The following EPS8 variants were observed in gnomAD, a reference collection of about 807,000 sequenced individuals.
EPS8 encodes EGFR pathway substrate 8, signaling adaptor, also known as epidermal growth factor receptor kinase substrate 8.
Under a neutral mutation model 103.8 loss-of-function variants are expected in EPS8, and 42 were observed. The observed-to-expected ratio is 0.40, with a 90% confidence interval of 0.32 to 0.52. The LOEUF (loss-of-function observed/expected upper bound fraction) is 0.52. Among genes scored for constraint, EPS8 ranks in the 20% least tolerant of loss-of-function variants. The pLI is 0.40. For synonymous variants in EPS8, 344 were observed against 344.6 expected, an observed-to-expected ratio of 1.00 and a Z score of 0.02; for missense variants, 969 against 1,005.1, an observed-to-expected ratio of 0.96 and a Z score of 0.49.
At chr12:15,622,553 A>G (rs1944876543) in intron 20 of EPS8, among the ~76,000 whole-genome samples, 1 of 152,218 alleles carries the variant, frequency 6.6e-6, no homozygotes, top group African/African-American at 2.4e-5. Flanking sequence ...CTACCCGTAT[A>G]TAGCACATTT....
chr12:15,786,869 G>A (rs1369958793), intron 1 of EPS8, among the ~76,000 whole-genome samples: 1 of 152,026 alleles, frequency 6.6e-6, no homozygotes, highest in Non-Finnish European at 1.5e-5. Flanking sequence ...TCCCAGGAGG[G>A]ATTTACTATA....
chr12:15,722,463 T>A (rs980881995), intron 1 of EPS8, among the ~76,000 whole-genome samples: 3 of 152,184 alleles, frequency 2.0e-5, no homozygotes, highest in Non-Finnish European at 4.4e-5. Context: ...TTATGCCTAT[T>A]CCAGAATGTT....
intron 1 of EPS8, chr12:15,712,998 T>G: frequency 1.0e-6 from 1 of 985,300 alleles, no homozygotes; most frequent in Non-Finnish European, 1.2e-6. Context: ...CATTGTACTG[T>G]ACCAAACAAA....
chr12:15,666,010 A>C, intron 7 of EPS8, 118 bp from the exon 8 acceptor site: 1 of 1,046,728 alleles, frequency 9.6e-7, no homozygotes, highest in Non-Finnish European at 1.4e-6. Flanking sequence ...AGGGACAATA[A>C]GGATTTCCTA....
rs115486329 is a variant in EPS8 at position 15,762,337 on chromosome 12, C to T, written c.-22+26824G>A. Among the ~76,000 whole-genome samples, 1,228 of 152,186 alleles carry T rather than the reference C, an allele frequency of 8.1e-3. 17 individuals carry two copies. Among genetic ancestry groups the T allele is most frequent in the African/African-American group, 0.028 (1,143 of 41,514 alleles). On this transcript the variant is annotated intron_variant, in intron 1 of 20. Coordinates refer to ENST00000281172, the MANE Select transcript of EPS8 (RefSeq NM_004447.6). The surrounding 1 kb of genome is among the most constrained non-coding windows in gnomAD (Gnocchi z 4.8). ...GGGAACCCTCATACACTGTTGGTGGCGATGTAAATTACTGCAACCGCTATG... is the reference window on the plus strand; with the variant it reads ...GGGAACCCTCATACACTGTTGGTGGTGATGTAAATTACTGCAACCGCTATG...
intron 17 of EPS8, among the ~76,000 whole-genome samples, chr12:15,639,110 C>T (rs1243773488): frequency 6.6e-6 from 1 of 152,088 alleles, no homozygotes; most frequent in Non-Finnish European, 1.5e-5. Context: ...AAACTCTTGC[C>T]TTTTGCTCAC....
At position 15,631,478 on chromosome 12, in the gene EPS8, G is replaced by A. The variant is rs1396526123; in HGVS notation, c.2008C>T (p.Arg670Ter). 6 of 1,613,882 alleles carry A rather than the reference G, an allele frequency of 3.7e-6. No individual in the cohort carries two copies. The highest frequency in any genetic ancestry group is 5.1e-6 in the Non-Finnish European group (6 of 1,179,960). The change falls in exon 18 of 21, where the codon CGA becomes TGA. Residue 670 changes from arginine (R) to a stop codon, truncating the protein, a stop_gained. Transcript: ENST00000281172. LOFTEE classifies it high-confidence loss of function. Reference protein sequence around the residue: ...SSSDSGGSIVRDSQRHKQLPV... With the variant: ...SSSDSGGSIV The stretch of plus-strand genomic sequence containing the variant: ...AGTTGTTTGTGTCTCTGGCTGTCTC[G>A]CACGATACTGCCACCACTGTCACTG...
intron 1 of EPS8, chr12:15,732,858 T>C (rs1304301697): frequency 2.2e-6 from 1 of 459,910 alleles, no homozygotes; most frequent in Non-Finnish European, 2.9e-6. Context: ...AGGCTTTGAA[T>C]ACAGCCACCT....
At chr12:15,623,479 T>C (rs557110242) in intron 19 of EPS8, among the ~76,000 whole-genome samples, 192 bp from the exon 20 acceptor site, 2 of 152,306 alleles carry the variant, frequency 1.3e-5, no homozygotes, top group East Asian at 1.9e-4. Context: ...ACCCTGAGGC[T>C]ATACAGATTA....
rs1480335964 is a variant in EPS8 at position 15,695,658 on chromosome 12, A to C, written c.-21-12686T>G. ...GGTTCCTACCTTCATGGAGCTTACA[A>C]TCTAGAGGGAGGAGAGCATGAAATA... is the stretch of plus-strand genomic sequence containing the variant. On this transcript the variant is annotated intron_variant, in intron 1 of 20. Coordinates refer to ENST00000281172, the MANE Select transcript of EPS8 (RefSeq NM_004447.6). The surrounding 1 kb of genome is among the most constrained non-coding windows in gnomAD (Gnocchi z 5.0). Among the ~76,000 whole-genome samples, 1 of 152,180 alleles carries C rather than the reference A, an allele frequency of 6.6e-6. No individual in the cohort carries two copies.
At position 15,727,649 on chromosome 12, in the gene EPS8, G is replaced by A. The variant is rs1445121772; in HGVS notation, c.-21-44677C>T. On this transcript the variant is annotated intron_variant, in intron 1 of 20. Coordinates refer to ENST00000281172, the MANE Select transcript of EPS8 (RefSeq NM_004447.6). The surrounding 1 kb of genome is among the most constrained non-coding windows in gnomAD (Gnocchi z 4.3). The stretch of plus-strand genomic sequence containing the variant: ...CCGAGGTGGGCGGATCACGAGGTCA[G>A]GAGTTCGAGACCAGCCTGACCAACA... Among the ~76,000 whole-genome samples the A allele has an allele frequency of 1.3e-5, 2 of 152,252 alleles. No homozygotes were observed. The highest frequency in any genetic ancestry group is 3.9e-4 in the East Asian group (2 of 5,168).
In EPS8 at chr12:15,787,808, T is replaced by C. The variant is rs972104480; in HGVS notation, c.-22+1353A>G. On this transcript the variant is annotated intron_variant, in intron 1 of 20. Coordinates refer to ENST00000281172, the MANE Select transcript of EPS8 (RefSeq NM_004447.6). The surrounding 1 kb of genome is among the most constrained non-coding windows in gnomAD (Gnocchi z 4.9). The stretch of plus-strand genomic sequence containing the variant: ...TGACAATTCTATACTGTTTTAACTG[T>C]CAAATTGTAAGTAAAAGTGTGAATT... Among the ~76,000 whole-genome samples the C allele has an allele frequency of 2.6e-5, 4 of 152,194 alleles. No individual in the cohort carries two copies. Among genetic ancestry groups the C allele is most frequent in the African/African-American group, 7.2e-5 (3 of 41,438 alleles).
At chr12:15,645,314 A>G (rs1945301866) in intron 15 of EPS8, among the ~76,000 whole-genome samples, 1 of 152,110 alleles carries the variant, frequency 6.6e-6, no homozygotes, top group African/African-American at 2.4e-5. Flanking sequence ...AATGTCAGCC[A>G]ATGATTATGT....
intron 1 of EPS8, among the ~76,000 whole-genome samples, chr12:15,786,231 T>C (rs1947309632): frequency 6.6e-6 from 1 of 152,106 alleles, no homozygotes; most frequent in Middle Eastern, 3.4e-3. Context: ...TGATATGAGA[T>C]GAAAATGGCA....
intron 14 of EPS8, among the ~76,000 whole-genome samples, chr12:15,649,407 C>T (rs1366380326): frequency 6.6e-6 from 1 of 152,164 alleles, no homozygotes; most frequent in African/African-American, 2.4e-5. Context: ...ATAGCAACAG[C>T]AAGTGTATCA....
At chr12:15,768,634 T>C (rs1207798668) in intron 1 of EPS8, among the ~76,000 whole-genome samples, 6 of 151,924 alleles carry the variant, frequency 3.9e-5, no homozygotes, top group African/African-American at 1.2e-4. Context: ...AGGAGCTTTT[T>C]CAATATTACT....
rs11056635 is a variant in EPS8, at chr12:15,761,536, A to G, written c.-22+27625T>C. On this transcript the variant is annotated intron_variant, in intron 1 of 20. Transcript: ENST00000281172. The surrounding 1 kb of genome is among the most constrained non-coding windows in gnomAD (Gnocchi z 4.5). Reference sequence around the variant, plus strand: ...ATCACATTACCTGATTTCAAATTATACTATGGAGCTATAGTAACCAAAAAG... The same window carrying G: ...ATCACATTACCTGATTTCAAATTATGCTATGGAGCTATAGTAACCAAAAAG... Among the ~76,000 whole-genome samples the G allele has an allele frequency of 1.1e-3, 161 of 152,274 alleles. 2 individuals are homozygous for G. In the East Asian group the frequency reaches 0.03, roughly 28 times the overall value.
At chr12:15,644,251 T>C (rs1224209373) in intron 15 of EPS8, among the ~76,000 whole-genome samples, 1 of 152,192 alleles carries the variant, frequency 6.6e-6, no homozygotes, top group Admixed American at 6.5e-5. Flanking sequence ...GCTGTTTCTA[T>C]ACCTCACGTC....
intron 4 of EPS8, 48 bp from the exon 5 acceptor site, chr12:15,669,873 T>G (rs1945785463): frequency 7.1e-7 from 1 of 1,413,496 alleles, no homozygotes; most frequent in Admixed American, 2.2e-5. Flanking sequence ...TACAAACACA[T>G]ACAACCTCTT....
Sources: allele counts gnomAD v4.1 joint callset (sites outside exome capture counted in the v4.1 genomes callset), GRCh38; gene constraint gnomAD v4.1.1; non-coding constraint Gnocchi (gnomAD v3.1); transcripts MANE v1.5; gene names NCBI Gene and HGNC (gene_info 2026-07-23, HGNC 2026-07-21).